Variants in KCNH7 observed in about 807,000 individuals in gnomAD.
KCNH7 encodes voltage-gated inwardly rectifying potassium channel KCNH7.
KCNH7 carries 49 observed loss-of-function variants against 120.8 expected under a neutral mutation model. That is an observed-to-expected ratio of 0.41 (90% CI 0.32 to 0.51). The LOEUF is 0.51. Ranked by LOEUF, KCNH7 falls within the 20% of genes least tolerant of loss-of-function variation. The pLI is 0.38. For missense variants in KCNH7, 1,097 were observed against 1,446.6 expected (o/e 0.76, Z 3.92); for synonymous variants, 547 against 516.1 (o/e 1.06, Z -0.81).
intron 6 of KCNH7, among the ~76,000 whole-genome samples, chr2:162,492,865 G>GCT (rs1690358786): frequency 1.7e-5 from 1 of 57,180 alleles, no homozygotes; most frequent in Non-Finnish European, 3.6e-5. Context: ...CTTGGATCTT[G>GCT]TTTTTTTTTT....
intron 6 of KCNH7, among the ~76,000 whole-genome samples, chr2:162,495,198 G>A (rs1483390843): frequency 4.6e-5 from 7 of 152,144 alleles, no homozygotes; most frequent in Non-Finnish European, 8.8e-5. Flanking sequence ...GCTTTGACTG[G>A]AAGGATGTGC....
At chr2:162,702,812 G>A (rs1055787687) in intron 2 of KCNH7, among the ~76,000 whole-genome samples, 6 of 152,020 alleles carry the variant, frequency 3.9e-5, no homozygotes, top group Admixed American at 2.6e-4. Context: ...CTCACTTGAA[G>A]TTTACCTCTT....
At chr2:162,490,648 T>C (rs77962476) in intron 6 of KCNH7, among the ~76,000 whole-genome samples, 1,993 of 152,194 alleles carry the variant, frequency 0.013, 46 homozygotes, top group African/African-American at 0.045. Context: ...CAATTAAGAA[T>C]AAATGGCGCA....
intron 2 of KCNH7, among the ~76,000 whole-genome samples, chr2:162,737,671 C>A (rs1047667807): frequency 5.3e-5 from 8 of 152,120 alleles, no homozygotes; most frequent in African/African-American, 1.7e-4. Flanking sequence ...AAACACTTTA[C>A]TGAGTCCAAA....
At chr2:162,664,385 T>C (rs779750983) in intron 2 of KCNH7, among the ~76,000 whole-genome samples, 5 of 152,154 alleles carry the variant, frequency 3.3e-5, no homozygotes, top group Admixed American at 1.3e-4. Context: ...ATTGGATAAC[T>C]GTCATACAGC....
chr2:162,556,528 T>C (rs568952353), intron 2 of KCNH7, among the ~76,000 whole-genome samples: 50 of 152,314 alleles, frequency 3.3e-4, no homozygotes, highest in African/African-American at 1.0e-3. Context: ...TATACTTCAT[T>C]TGGGGACAAA....
At chr2:162,763,533 T>C (rs1298713833) in intron 2 of KCNH7, among the ~76,000 whole-genome samples, 1 of 152,064 alleles carries the variant, frequency 6.6e-6, no homozygotes, top group African/African-American at 2.4e-5. Context: ...AGTTCCAAAA[T>C]TGTTAGAAAA....
At chr2:162,567,857 C>A (rs1469209105) in intron 2 of KCNH7, among the ~76,000 whole-genome samples, 1 of 151,880 alleles carries the variant, frequency 6.6e-6, no homozygotes, top group South Asian at 2.1e-4. Flanking sequence ...GATGGTGGTC[C>A]CATAAGATTA....
At chr2:162,733,334 C>A (rs1054455536) in intron 2 of KCNH7, among the ~76,000 whole-genome samples, 11 of 152,172 alleles carry the variant, frequency 7.2e-5, no homozygotes, top group Admixed American at 2.6e-4. Flanking sequence ...ATTTGTTAAA[C>A]CCCTCCCTAT....
At chr2:162,610,747 T>C (rs1682936204) in intron 2 of KCNH7, among the ~76,000 whole-genome samples, 1 of 152,172 alleles carries the variant, frequency 6.6e-6, no homozygotes, top group African/African-American at 2.4e-5. Flanking sequence ...TAGTAATGTG[T>C]TTTCTTTTTC....
At chr2:162,461,153 C>T (rs973120486) in intron 6 of KCNH7, among the ~76,000 whole-genome samples, 3 of 152,050 alleles carry the variant, frequency 2.0e-5, no homozygotes, top group African/African-American at 7.2e-5. Context: ...GCTAGATAGC[C>T]ATGGATGGGC....
chr2:162,410,438 T>G (rs986751319), intron 9 of KCNH7, among the ~76,000 whole-genome samples: 3 of 152,052 alleles, frequency 2.0e-5, no homozygotes, highest in African/African-American at 7.2e-5. Context: ...CAAGATGGAT[T>G]AAAGACTTAA....
chr2:162,425,625 G>T (rs902910639), intron 8 of KCNH7, among the ~76,000 whole-genome samples: 9 of 152,120 alleles, frequency 5.9e-5, no homozygotes, highest in African/African-American at 2.2e-4. Context: ...CCTATCATGT[G>T]CTCAGGAAGT....
rs954589691 is a variant in KCNH7 at position 162,656,536 on chromosome 2, T to G, written c.308-119456A>C. Reference sequence around the variant, plus strand: ...AAGCATGAAAAGTCATTACGCTGATTTAGTGAAAATGATGAGAAAGGAGAG... The same window carrying G: ...AAGCATGAAAAGTCATTACGCTGATGTAGTGAAAATGATGAGAAAGGAGAG... On this transcript the variant is annotated intron_variant, in intron 2 of 15. Coordinates refer to ENST00000332142, the MANE Select transcript of KCNH7 (RefSeq NM_033272.4). 2.0e-5 allele frequency among the ~76,000 whole-genome samples: 3 copies of G among 152,250 alleles called. No homozygotes were observed. The East Asian group carries it at 5.8e-4, about 29-fold the overall frequency.
intron 10 of KCNH7, among the ~76,000 whole-genome samples, chr2:162,397,402 T>C (rs1034374683): frequency 1.3e-5 from 2 of 151,808 alleles, no homozygotes; most frequent in Non-Finnish European, 2.9e-5. Context: ...TAACACTTAG[T>C]GGATTGGAGG....
chr2:162,683,390 G>A (rs1281680423), intron 2 of KCNH7, among the ~76,000 whole-genome samples: 1 of 151,786 alleles, frequency 6.6e-6, no homozygotes, highest in Admixed American at 6.6e-5. Context: ...CTACTTGAAA[G>A]TTACAGTATT....
chr2:162,474,809 T>A (rs986542186), intron 6 of KCNH7, among the ~76,000 whole-genome samples: 1 of 151,706 alleles, frequency 6.6e-6, no homozygotes, highest in Non-Finnish European at 1.5e-5. Flanking sequence ...TGGAAACAGA[T>A]CATCCCTTAT....
intron 2 of KCNH7, among the ~76,000 whole-genome samples, chr2:162,625,310 A>G (rs994115762): frequency 2.0e-5 from 3 of 151,382 alleles, no homozygotes; most frequent in Non-Finnish European, 2.9e-5. Flanking sequence ...TTTTTAATCT[A>G]TAAAAGAAGG....
rs974899330 is a variant in KCNH7, at chr2:162,391,303, C to A, written c.2710+3086G>T. On this transcript the variant is annotated intron_variant, in intron 12 of 15. Transcript: ENST00000332142. ...TGTTCTTTATATTATGTGTATTTTT[C>A]TCCTATATATTGACGCTACATCAAG... is the stretch of plus-strand genomic sequence containing the variant. 3.9e-5 allele frequency among the ~76,000 whole-genome samples: 6 copies of A among 152,166 alleles called. No individual in the cohort carries two copies. The East Asian group carries it at 1.2e-3, about 30-fold the overall frequency.
Sources: gnomAD v4.1 joint callset for allele counts (sites outside exome capture counted in the v4.1 genomes callset) on GRCh38, gnomAD v4.1.1 for gene constraint, MANE v1.5 for transcripts, NCBI Gene and HGNC (gene_info 2026-07-23, HGNC 2026-07-21) for gene names.